EXOC4: variants seen among roughly 807,000 people sequenced by gnomAD.
EXOC4 encodes SEC8-like 1.
Under a neutral mutation model 107.2 loss-of-function variants are expected in EXOC4, and 71 were observed. The observed-to-expected ratio is 0.66, with a 90% CI of 0.55 to 0.81. The LOEUF is 0.81. Among genes scored for constraint, EXOC4 ranks in the 30% least tolerant of loss-of-function variants. The probability of loss-of-function intolerance (pLI) is 0.00; values close to 1 mark genes in which losing one functional copy is unlikely to be tolerated. For missense variants in EXOC4, 1,108 were observed against 1,189.6 expected, an observed-to-expected ratio of 0.93 and a Z score of 1.01; for synonymous variants, 456 against 441.2, an observed-to-expected ratio of 1.03 and a Z score of -0.42.
intron 10 of EXOC4, among the ~76,000 whole-genome samples, chr7:133,796,382 C>G (rs1796814971): frequency 6.6e-6 from 1 of 152,140 alleles, no homozygotes; most frequent in Non-Finnish European, 1.5e-5. Flanking sequence ...CAAGGCTGCC[C>G]AGAAAGATTC....
chr7:133,765,095 T>C (rs987595835), intron 10 of EXOC4, among the ~76,000 whole-genome samples: 2 of 152,096 alleles, frequency 1.3e-5, no homozygotes, highest in African/African-American at 4.8e-5. Flanking sequence ...TAGTCCTCTA[T>C]AGAGGTAGGC....
At chr7:133,761,727 A>G (rs561057830) in intron 10 of EXOC4, among the ~76,000 whole-genome samples, 97 of 152,302 alleles carry the variant, frequency 6.4e-4, no homozygotes, top group East Asian at 6.0e-3. Context: ...TTGAGCTAGT[A>G]ACTTATAAGT....
chr7:133,520,645 T>C (rs1318772990), intron 9 of EXOC4, among the ~76,000 whole-genome samples: 1 of 152,180 alleles, frequency 6.6e-6, no homozygotes, highest in Non-Finnish European at 1.5e-5. Flanking sequence ...CACACATTGT[T>C]AGTTTATATG....
At chr7:134,010,729 T>C (rs1794744435) in intron 17 of EXOC4, among the ~76,000 whole-genome samples, 1 of 152,246 alleles carries the variant, frequency 6.6e-6, no homozygotes, top group African/African-American at 2.4e-5. Flanking sequence ...TAATCACTAG[T>C]TGCCGTGTGT....
intron 7 of EXOC4, among the ~76,000 whole-genome samples, chr7:133,398,240 G>T (rs961103598): frequency 1.3e-5 from 2 of 152,132 alleles, no homozygotes; most frequent in African/African-American, 4.8e-5. Flanking sequence ...CAGCCTCCCA[G>T]GTTAAGACTT....
intron 10 of EXOC4, among the ~76,000 whole-genome samples, chr7:133,765,700 A>G (rs993672702): frequency 5.5e-4 from 83 of 152,074 alleles, no homozygotes; most frequent in African/African-American, 1.9e-3. Context: ...CTTCCTTTGT[A>G]TTATGATCTT....
intron 10 of EXOC4, among the ~76,000 whole-genome samples, chr7:133,671,425 C>T (rs993302691): frequency 2.0e-5 from 3 of 151,892 alleles, no homozygotes; most frequent in African/African-American, 4.8e-5. Flanking sequence ...ATTAGCTGGG[C>T]GTGTGTTGGT....
rs1406200631 is a variant in EXOC4, at chr7:134,065,182, G to A, written c.*654G>A. On this transcript the variant is annotated 3_prime_UTR_variant, in exon 18 of 18. Coordinates refer to ENST00000253861, the MANE Select transcript of EXOC4 (RefSeq NM_021807.4). ...TATCTTGTACACAGGTTGTAGGTTG[G>A]TTTATTGCCATTTTGTTTTATTTCT... is the stretch of plus-strand genomic sequence containing the variant. The A allele has an allele frequency of 6.6e-6, 1 of 152,450 alleles. No individual in the cohort carries two copies. The highest frequency in any genetic ancestry group is 1.5e-5 in the Non-Finnish European group (1 of 68,010). The allele number at this position is 152,450 out of a possible 1,614,324, so 9.4% of individuals were successfully genotyped here.
chr7:133,827,454 A>T (rs75438224), intron 11 of EXOC4, among the ~76,000 whole-genome samples: 3,753 of 152,318 alleles, frequency 0.025, 161 homozygotes, highest in African/African-American at 0.086. Flanking sequence ...CAATGACAGA[A>T]AAAAATTATT....
intron 17 of EXOC4, among the ~76,000 whole-genome samples, chr7:134,058,544 C>A (rs1563108068): frequency 6.6e-6 from 1 of 152,226 alleles, no homozygotes; most frequent in Non-Finnish European, 1.5e-5. Context: ...AAATTTACAA[C>A]ATGACTGCAT....
chr7:133,826,987 T>C (rs1332429875), intron 11 of EXOC4, among the ~76,000 whole-genome samples: 1 of 152,228 alleles, frequency 6.6e-6, no homozygotes, highest in African/African-American at 2.4e-5. Context: ...CGTCATTCCC[T>C]GAGTACCTTA....
chr7:133,836,439 C>T (rs1464804900), intron 11 of EXOC4, among the ~76,000 whole-genome samples: 2 of 152,116 alleles, frequency 1.3e-5, no homozygotes, highest in African/African-American at 4.8e-5. Context: ...TACCTGTTAA[C>T]CTTTCATGTG....
At chr7:133,293,927 G>A (rs1794462255) in intron 3 of EXOC4, among the ~76,000 whole-genome samples, 1 of 152,172 alleles carries the variant, frequency 6.6e-6, no homozygotes, top group South Asian at 2.1e-4. Context: ...ATTGTGCTGG[G>A]TTGATGCAAG....
At chr7:133,516,095 G>T (rs1799870031) in intron 9 of EXOC4, among the ~76,000 whole-genome samples, 1 of 152,156 alleles carries the variant, frequency 6.6e-6, no homozygotes, top group Non-Finnish European at 1.5e-5. Context: ...CAGTCTCTAA[G>T]GTGGATAATA....
At chr7:133,743,118 T>C (rs1022556178) in intron 10 of EXOC4, among the ~76,000 whole-genome samples, 2 of 152,180 alleles carry the variant, frequency 1.3e-5, no homozygotes, top group African/African-American at 4.8e-5. Flanking sequence ...GTTCTTATCA[T>C]AGTAGCACCA....
rs1796163760 is a variant in EXOC4 at position 134,065,601 on chromosome 7, A to C, written c.*1073A>C. 1 of 152,286 alleles carries C rather than the reference A, an allele frequency of 6.6e-6. No homozygotes were observed. Among genetic ancestry groups the C allele is most frequent in the South Asian group, 2.1e-4 (1 of 4,824 alleles). The allele number at this position is 152,286 out of a possible 1,614,324, so 9.4% of individuals were successfully genotyped here. On this transcript the variant is annotated 3_prime_UTR_variant, in exon 18 of 18. Transcript: ENST00000253861. Reference sequence around the variant, plus strand: ...AAGGCAGCAATGCACTGACTGGGCCACATCTTGAAAACTCGTGGAAAGGGA... The same window carrying C: ...AAGGCAGCAATGCACTGACTGGGCCCCATCTTGAAAACTCGTGGAAAGGGA...
At chr7:133,418,999 A>T (rs1797542424) in intron 7 of EXOC4, among the ~76,000 whole-genome samples, 1 of 152,232 alleles carries the variant, frequency 6.6e-6, no homozygotes, top group Admixed American at 6.5e-5. Flanking sequence ...TATGTTTCAA[A>T]GTCATAAAGT....
At chr7:133,906,998 AGGCTTGCCACCATCTTGGAAGC>A (rs1405187238) in intron 12 of EXOC4, among the ~76,000 whole-genome samples, 2 of 152,144 alleles carry the variant, frequency 1.3e-5, no homozygotes, top group Non-Finnish European at 1.5e-5. Flanking sequence ...AGAGAACACG[AGGCTTGCCACCATCTTGGAAGC>A]GGCCAGCCAC....
intron 5 of EXOC4, among the ~76,000 whole-genome samples, chr7:133,337,015 G>A (rs184940606): frequency 6.6e-6 from 1 of 152,200 alleles, no homozygotes; most frequent in East Asian, 1.9e-4. Context: ...TTACAGGTGT[G>A]AGCCACCACT....
Sources: gnomAD v4.1 joint callset for allele counts (sites outside exome capture counted in the v4.1 genomes callset) on GRCh38, gnomAD v4.1.1 for gene constraint, MANE v1.5 for transcripts, NCBI Gene and HGNC (gene_info 2026-07-23, HGNC 2026-07-21) for gene names.